The following PTPRD variants were observed in gnomAD, a reference collection of about 807,000 sequenced individuals.
PTPRD encodes the protein protein tyrosine phosphatase receptor type D.
PTPRD carries 34 observed loss-of-function variants against 214.5 expected under a neutral mutation model. The ratio of observed to expected loss-of-function variants is 0.16; its 90% CI spans 0.12 to 0.21. The LOEUF (loss-of-function observed/expected upper bound fraction) is 0.21, where lower values mean the gene tolerates loss of function less well. PTPRD is among the 10% of genes least tolerant of loss of function. The probability of loss-of-function intolerance (pLI) is 1.00; values close to 1 mark genes in which losing one functional copy is unlikely to be tolerated. For synonymous variants in PTPRD, 1,128 were observed against 845.7 expected (o/e 1.33, Z -5.79); for missense variants, 2,545 against 2,398.7 (o/e 1.06, Z -1.27).
intron 9 of PTPRD, among the ~76,000 whole-genome samples, chr9:9,351,593 A>T (rs2051169464): frequency 6.6e-6 from 1 of 152,108 alleles, no homozygotes; most frequent in Admixed American, 6.6e-5. Context: ...AGAACATGTT[A>T]CTGAGTCAGT....
intron 5 of PTPRD, among the ~76,000 whole-genome samples, chr9:9,776,634 AG>A (rs1453604797): frequency 6.6e-6 from 1 of 152,162 alleles, no homozygotes; most frequent in Non-Finnish European, 1.5e-5. Context: ...CTAGCTAACA[AG>A]AAAAAAAAGA....
chr9:9,064,352 A>T (rs1425065493), intron 10 of PTPRD, among the ~76,000 whole-genome samples: 2 of 152,190 alleles, frequency 1.3e-5, no homozygotes, highest in Non-Finnish European at 2.9e-5. Flanking sequence ...TATATAGGTC[A>T]TCAGGATTTC....
chr9:9,173,309 C>G (rs1234104864), intron 10 of PTPRD, among the ~76,000 whole-genome samples: 2 of 152,118 alleles, frequency 1.3e-5, no homozygotes, highest in East Asian at 1.9e-4. Context: ...GTGCTGATTT[C>G]AAGTCTGGTA....
chr9:9,613,810 A>T (rs2094686639), intron 7 of PTPRD, among the ~76,000 whole-genome samples: 1 of 152,136 alleles, frequency 6.6e-6, no homozygotes, highest in Non-Finnish European at 1.5e-5. Flanking sequence ...GGGCACGTGA[A>T]AATTTGAGAA....
intron 10 of PTPRD, among the ~76,000 whole-genome samples, chr9:9,083,432 C>T (rs2099762078): frequency 6.6e-6 from 1 of 152,074 alleles, no homozygotes. Context: ...CAATGTAAGA[C>T]CCCATACTAT....
At chr9:9,509,183 T>C (rs184743679) in intron 8 of PTPRD, among the ~76,000 whole-genome samples, 166 of 151,892 alleles carry the variant, frequency 1.1e-3, no homozygotes, top group Middle Eastern at 3.4e-3. Flanking sequence ...TGCTGGGTTG[T>C]ATTTTTTTCC....
At position 8,316,005 on chromosome 9, in the gene PTPRD, G is replaced by C. The variant is rs1821503425; in HGVS notation, c.*1869C>G. On this transcript the variant is annotated 3_prime_UTR_variant, in exon 46 of 46. Transcript: ENST00000381196. ...AATGGAATATCAAATATATTCCAAA[G>C]TTGCCAATGATATTTGTTACTAAAA... is the stretch of plus-strand genomic sequence containing the variant. 1 of 227,766 alleles carries C rather than the reference G, an allele frequency of 4.4e-6. No homozygotes were observed. Among genetic ancestry groups the C allele is most frequent in the African/African-American group, 2.2e-5 (1 of 44,964 alleles). 14.1% of individuals were successfully genotyped at this position (227,766 alleles called of 1,614,324 possible). A position where few individuals can be genotyped will look rare whatever the true frequency, so the allele number is the denominator to read the frequency against.
intron 10 of PTPRD, among the ~76,000 whole-genome samples, chr9:9,145,245 T>C (rs1192102507): frequency 6.6e-6 from 1 of 152,216 alleles, no homozygotes; most frequent in Non-Finnish European, 1.5e-5. Context: ...TTATGTGTAC[T>C]ATTAAATATT....
intron 7 of PTPRD, among the ~76,000 whole-genome samples, chr9:9,596,322 A>G (rs1253803849): frequency 6.6e-6 from 1 of 151,984 alleles, no homozygotes; most frequent in Non-Finnish European, 1.5e-5. Context: ...TGTATTAAAC[A>G]TGTTACACAT....
At chr9:10,375,067 G>A (rs1182782625) in intron 2 of PTPRD, among the ~76,000 whole-genome samples, 1 of 151,826 alleles carries the variant, frequency 6.6e-6, no homozygotes, top group African/African-American at 2.4e-5. Flanking sequence ...ATTAAAATAG[G>A]TTCTTTATGT....
chr9:8,584,502 C>T (rs2093473482), intron 14 of PTPRD, among the ~76,000 whole-genome samples: 2 of 151,994 alleles, frequency 1.3e-5, no homozygotes, highest in African/African-American at 2.4e-5. Flanking sequence ...ACTTATTATG[C>T]CATTCCCTCA....
rs1286012589 is a variant in PTPRD at position 8,499,812 on chromosome 9, C to T, written c.2157G>A (p.Glu719=). The T allele has an allele frequency of 6.2e-7, 1 of 1,612,570 alleles. No homozygotes were observed. The change falls in exon 25 of 46, where the codon GAG becomes GAA. Residue 719 remains glutamate, a synonymous_variant. Coordinates refer to ENST00000381196, the MANE Select transcript of PTPRD (RefSeq NM_002839.4). The stretch of plus-strand genomic sequence containing the variant: ...CAGATGTTGAGTTGACAGCCTCTAC[C>T]TCGACTTTGCGAGGAGGACCACTAG... ...DVPSGPPRKV[E]VEAVNSTSVK...
Position 9,301,804 on chromosome 9 carries a change from T to C in PTPRD, c.-203+95645A>G, listed in dbSNP as rs148509773. Among the ~76,000 whole-genome samples the C allele has an allele frequency of 4.6e-3, 698 of 152,010 alleles. 3 individuals carry two copies. The highest frequency in any genetic ancestry group is 0.016 in the African/African-American group (657 of 41,524). The stretch of plus-strand genomic sequence containing the variant: ...GCTGTAATGGGTCCTAAAAACTCTA[T>C]GCATTCATAAGAGATATGTCCCTAG... On this transcript the variant is annotated intron_variant, in intron 9 of 45. Transcript: ENST00000381196.
chr9:9,061,839 A>C (rs1472257796), intron 10 of PTPRD, among the ~76,000 whole-genome samples: 2 of 152,124 alleles, frequency 1.3e-5, no homozygotes, highest in Non-Finnish European at 2.9e-5. Flanking sequence ...CCTCCTGTAG[A>C]GAGGCAGGGT....
intron 35 of PTPRD, among the ~76,000 whole-genome samples, chr9:8,406,325 G>C (rs2092974667): frequency 6.6e-6 from 1 of 152,134 alleles, no homozygotes; most frequent in Non-Finnish European, 1.5e-5. Flanking sequence ...TCAGTGATGA[G>C]GGCCTGCCTT....
chr9:8,513,802 C>A (rs1292677291), intron 21 of PTPRD, among the ~76,000 whole-genome samples: 2 of 152,006 alleles, frequency 1.3e-5, no homozygotes, highest in South Asian at 2.1e-4. Flanking sequence ...ATCCACTGGC[C>A]TTTTTAATTA....
chr9:8,802,876 A>G (rs2096599622), intron 11 of PTPRD, among the ~76,000 whole-genome samples: 1 of 152,052 alleles, frequency 6.6e-6, no homozygotes, highest in Non-Finnish European at 1.5e-5. Flanking sequence ...ACAGAGCAAG[A>G]TCACATCTCT....
chr9:8,778,780 A>G (rs931846503), intron 11 of PTPRD, among the ~76,000 whole-genome samples: 3 of 151,952 alleles, frequency 2.0e-5, no homozygotes, highest in Non-Finnish European at 2.9e-5. Context: ...ATATTCATCC[A>G]CTCTGAGCTT....
chr9:9,393,420 T>C (rs541955424), intron 9 of PTPRD, among the ~76,000 whole-genome samples: 15 of 152,218 alleles, frequency 9.9e-5, no homozygotes, highest in Non-Finnish European at 1.9e-4. Flanking sequence ...AAAGGATATA[T>C]GGACAGCCAT....
Sources: allele counts gnomAD v4.1 joint callset (sites outside exome capture counted in the v4.1 genomes callset), GRCh38; gene constraint gnomAD v4.1.1; transcripts MANE v1.5; gene names NCBI Gene and HGNC (gene_info 2026-07-23, HGNC 2026-07-21).